The following ROBO1 variants were observed in gnomAD, a reference collection of about 807,000 sequenced individuals.
ROBO1 encodes roundabout guidance receptor 1, also known as roundabout homolog 1.
ROBO1 carries 149 observed loss-of-function variants against 195.9 expected under a neutral mutation model. The ratio of observed to expected loss-of-function variants is 0.76; its 90% CI spans 0.67 to 0.87. The LOEUF (loss-of-function observed/expected upper bound fraction) is 0.87. Ranked by LOEUF, ROBO1 falls within the 40% of genes least tolerant of loss-of-function variation. ROBO1 has a pLI of 0.00. For missense variants in ROBO1, 1,933 were observed against 2,068.3 expected (o/e 0.93, Z 1.27); for synonymous variants, 816 against 733.2 (o/e 1.11, Z -1.82).
intron 5 of ROBO1, among the ~76,000 whole-genome samples, chr3:78,730,640 C>T (rs561722655): frequency 1.1e-4 from 16 of 152,226 alleles, no homozygotes; most frequent in African/African-American, 3.9e-4. Context: ...AGTTAGGGCT[C>T]ATCAGACCAG....
chr3:79,674,671 T>C (rs1034426577), intron 1 of ROBO1, among the ~76,000 whole-genome samples: 2 of 151,958 alleles, frequency 1.3e-5, no homozygotes, highest in African/African-American at 2.4e-5. Flanking sequence ...TCTGTCTTTA[T>C]GTAACACTAT....
At chr3:79,550,148 A>AAAGG (rs1942424615) in intron 2 of ROBO1, among the ~76,000 whole-genome samples, 11 of 114,784 alleles carry the variant, frequency 9.6e-5, no homozygotes, top group South Asian at 2.7e-4. Context: ...AAACAAAAAG[A>AAAGG]AAGGAAGAAA....
intron 2 of ROBO1, among the ~76,000 whole-genome samples, chr3:79,507,029 C>T (rs900115143): frequency 2.6e-5 from 4 of 152,144 alleles, no homozygotes; most frequent in African/African-American, 7.2e-5. Context: ...GTCAGTTGCC[C>T]AATCAATCAA....
intron 8 of ROBO1, among the ~76,000 whole-genome samples, chr3:78,694,203 G>T (rs1308383020): frequency 6.6e-6 from 1 of 152,014 alleles, no homozygotes; most frequent in Non-Finnish European, 1.5e-5. Context: ...ACTAGAAATG[G>T]TTATTTCATT....
intron 2 of ROBO1, among the ~76,000 whole-genome samples, chr3:79,561,134 C>A (rs374106002): frequency 6.6e-6 from 1 of 152,146 alleles, no homozygotes; most frequent in Non-Finnish European, 1.5e-5. Flanking sequence ...CCATCCATTC[C>A]TTTACTTGAC....
rs143220457 is a variant in ROBO1 at position 79,495,925 on chromosome 3, T to C, written c.88+93899A>G. Among the ~76,000 whole-genome samples the C allele has an allele frequency of 2.0e-3, 309 of 152,146 alleles. 2 individuals are homozygous for C. Among genetic ancestry groups the C allele is most frequent in the African/African-American group, 6.2e-3 (257 of 41,506 alleles). On this transcript the variant is annotated intron_variant, in intron 2 of 30. Coordinates refer to ENST00000464233, the MANE Select transcript of ROBO1 (RefSeq NM_002941.4). ...GAAATAGGAATGTTAAAAAATGACA[T>C]AGGTAGGCCAGGCACAGTGGCTTAC...
intron 2 of ROBO1, among the ~76,000 whole-genome samples, chr3:79,200,834 G>T (rs562439813): frequency 6.6e-6 from 1 of 151,866 alleles, no homozygotes; most frequent in Admixed American, 6.6e-5. Flanking sequence ...AAAATCTTTT[G>T]TAGTTATAGT....
At position 78,641,598 on chromosome 3, in the gene ROBO1, CTTATT is replaced by C. The variant is rs977184956; in HGVS notation, c.2883-1705_2883-1701del. ...TCTGCATCTAGTAATCTTTTGCTTT[CTTATT>C]TTATTTTTCTTTGAACTTAAACTAT... On this transcript the variant is annotated intron_variant, in intron 21 of 30. Coordinates refer to ENST00000464233, the MANE Select transcript of ROBO1 (RefSeq NM_002941.4). 1.1e-4 allele frequency among the ~76,000 whole-genome samples: 17 copies of C among 152,190 alleles called. No homozygotes were observed. The East Asian group carries it at 3.1e-3, about 28-fold the overall frequency.
chr3:79,294,653 T>A (rs1326443483), intron 2 of ROBO1, among the ~76,000 whole-genome samples: 3 of 151,888 alleles, frequency 2.0e-5, no homozygotes, highest in Admixed American at 1.3e-4. Context: ...ATCATAAGGG[T>A]GAACAGGCAA....
At chr3:78,684,527 T>C (rs2081007152) in intron 10 of ROBO1, among the ~76,000 whole-genome samples, 1 of 152,034 alleles carries the variant, frequency 6.6e-6, no homozygotes, top group Non-Finnish European at 1.5e-5. Flanking sequence ...ATACTTCAGT[T>C]TACGTAATCG....
intron 3 of ROBO1, among the ~76,000 whole-genome samples, chr3:79,049,461 T>A (rs1240467940): frequency 1.3e-5 from 2 of 152,146 alleles, no homozygotes; most frequent in African/African-American, 2.4e-5. Flanking sequence ...GAAACCAAGT[T>A]AGAAAACGCT....
At chr3:79,152,972 G>A (rs937985349) in intron 2 of ROBO1, among the ~76,000 whole-genome samples, 7 of 151,628 alleles carry the variant, frequency 4.6e-5, no homozygotes, top group Non-Finnish European at 1.0e-4. Context: ...TTTGAAAAGC[G>A]AAAGAGGTTC....
chr3:78,624,659 A>G (rs1484707002), intron 26 of ROBO1, among the ~76,000 whole-genome samples: 1 of 152,140 alleles, frequency 6.6e-6, no homozygotes, highest in Non-Finnish European at 1.5e-5. Context: ...GAACTCAATG[A>G]CATGAACGAG....
At chr3:79,581,352 G>A (rs115768652) in intron 2 of ROBO1, among the ~76,000 whole-genome samples, 1,863 of 152,162 alleles carry the variant, frequency 0.012, 32 homozygotes, top group Middle Eastern at 0.051. Flanking sequence ...CGTGTGGCAC[G>A]TGGGGTTTTT....
At chr3:79,640,420 CCT>C (rs1945624349) in intron 1 of ROBO1, among the ~76,000 whole-genome samples, 1 of 151,996 alleles carries the variant, frequency 6.6e-6, no homozygotes, top group East Asian at 1.9e-4. Context: ...GTCCATTAAA[CCT>C]CTTTTTCTTT....
chr3:79,232,810 CTCAT>C (rs1431076433), intron 2 of ROBO1, among the ~76,000 whole-genome samples: 9 of 152,126 alleles, frequency 5.9e-5, no homozygotes, highest in African/African-American at 2.2e-4. Context: ...AAGTTCACTT[CTCAT>C]TCATTCTTTT....
chr3:78,768,246 G>C (rs1192721590), intron 4 of ROBO1, among the ~76,000 whole-genome samples: 1 of 151,720 alleles, frequency 6.6e-6, no homozygotes. Flanking sequence ...ATTTTTTTTG[G>C]GGGGTGGGGT....
intron 4 of ROBO1, among the ~76,000 whole-genome samples, chr3:78,784,666 A>G (rs538411848): frequency 6.6e-6 from 1 of 152,314 alleles, no homozygotes; most frequent in Admixed American, 6.5e-5. Flanking sequence ...AAATAAATGT[A>G]TATTTTATTT....
chr3:79,760,249 A>AAAG (rs1704619528), intron 1 of ROBO1, among the ~76,000 whole-genome samples: 1 of 143,158 alleles, frequency 7.0e-6, no homozygotes, highest in African/African-American at 2.6e-5. Flanking sequence ...AAAAAAAAAA[A>AAAG]AAAAAAAAAA....
Sources: gnomAD v4.1 joint callset for allele counts (sites outside exome capture counted in the v4.1 genomes callset) on GRCh38, gnomAD v4.1.1 for gene constraint, MANE v1.5 for transcripts, NCBI Gene and HGNC (gene_info 2026-07-23, HGNC 2026-07-21) for gene names.